The following DOCK11 variants were observed in gnomAD, a reference collection of about 807,000 sequenced individuals.
The protein encoded by DOCK11 is dedicator of cytokinesis protein 11.
In DOCK11, 70 loss-of-function variants were observed where a neutral mutation model predicts 169.1. The observed-to-expected ratio is 0.41, with a 90% confidence interval of 0.34 to 0.51. The LOEUF (loss-of-function observed/expected upper bound fraction) is 0.51, where lower values mean the gene tolerates loss of function less well. Ranked by LOEUF, DOCK11 falls within the 20% of genes least tolerant of loss-of-function variation. DOCK11 has a pLI of 0.10. For missense variants in DOCK11, 1,166 were observed against 1,538.8 expected (o/e 0.76, Z 4.05); for synonymous variants, 529 against 541.3 (o/e 0.98, Z 0.32).
rs2013356640 is a variant in DOCK11, at chrX:118,573,793, T to C, written c.1177-13T>C. On this transcript the variant is annotated splice_polypyrimidine_tract_variant and intron_variant, in intron 11 of 52. Transcript: ENST00000276202. ...AAGTCTCAGTTTTAAAATGTAACTG[T>C]TTTCATTCCCAGGTTGAGCCCTTTT... 2 of 1,188,649 alleles carry C rather than the reference T, an allele frequency of 1.7e-6. No homozygotes were observed. The highest frequency in any genetic ancestry group is 1.8e-5 in the African/African-American group (1 of 56,587).
At chrX:118,528,869 G>C (rs1458696648) in intron 1 of DOCK11, among the ~76,000 whole-genome samples, 2 of 110,466 alleles carry the variant, frequency 1.8e-5, no homozygotes, top group Non-Finnish European at 3.8e-5. Flanking sequence ...GGTTGTTTAG[G>C]AGGAAGTTTG....
chrX:118,539,450 G>T (rs1603042599), intron 1 of DOCK11, among the ~76,000 whole-genome samples: 1 of 111,140 alleles, frequency 9.0e-6, no homozygotes, highest in East Asian at 2.8e-4. Context: ...GGGGGAGATG[G>T]TAGTCAATGG....
chrX:118,571,770 G>A (rs1334069297), intron 10 of DOCK11, among the ~76,000 whole-genome samples: 1 of 112,051 alleles, frequency 8.9e-6, no homozygotes, highest in Non-Finnish European at 1.9e-5. Context: ...ATGAGAGAAA[G>A]GGAGTATAGA....
rs35095116 is a variant in DOCK11, at chrX:118,581,805, T to TAAAAAAAAAAAAAAAAAAAA, written c.1595+1642_1595+1661dup. ...GGCGACAGAGCGAGACTCCGTCTCC[T>TAAAAAAAAAAAAAAAAAAAA]AAAAAAAAAAAAAAAAAAAAAAAAA... On this transcript the variant is annotated intron_variant, in intron 14 of 52. Transcript: ENST00000276202. 1.6e-4 allele frequency among the ~76,000 whole-genome samples: 2 copies of TAAAAAAAAAAAAAAAAAAAA among 12,744 alleles called. 1 individual carries two copies. The highest frequency in any genetic ancestry group is 6.6e-4 in the African/African-American group (2 of 3,012). 11.1% of individuals were successfully genotyped at this position (12,744 alleles called of 115,157 possible). A position where few individuals can be genotyped will look rare whatever the true frequency, so the allele number is the denominator to read the frequency against.
rs760435809 is a variant in DOCK11 at position 118,546,486 on chromosome X, A to G, written c.558+370A>G. Among the ~76,000 whole-genome samples, 7 of 112,009 alleles carry G rather than the reference A, an allele frequency of 6.2e-5. No homozygotes were observed. The South Asian group carries it at 2.6e-3, about 41-fold the overall frequency. On this transcript the variant is annotated intron_variant, in intron 6 of 52. Transcript: ENST00000276202. The stretch of plus-strand genomic sequence containing the variant: ...CAAATATTAATTAGGTACTTATTAC[A>G]TATTAGTCACTGTGGGGAAATATGT...
At chrX:118,541,677 GA>G (rs1385158935) in intron 1 of DOCK11, among the ~76,000 whole-genome samples, 1 of 112,223 alleles carries the variant, frequency 8.9e-6, no homozygotes, top group Non-Finnish European at 1.9e-5. Context: ...AGTGTTACAT[GA>G]AAAAATGTAC....
intron 39 of DOCK11, 57 bp from the exon 40 acceptor site, chrX:118,643,400 G>A: frequency 1.8e-6 from 2 of 1,111,344 alleles, no homozygotes; most frequent in Non-Finnish European, 2.4e-6. Flanking sequence ...AGGTATTGGT[G>A]AAATCAGTTC....
intron 38 of DOCK11, among the ~76,000 whole-genome samples, chrX:118,640,226 A>G (rs993078528): frequency 8.9e-6 from 1 of 112,454 alleles, no homozygotes; most frequent in Non-Finnish European, 1.9e-5. Flanking sequence ...AAGCTATCCT[A>G]TGAAAAGCAA....
At chrX:118,537,720 G>C (rs1031176906) in intron 1 of DOCK11, among the ~76,000 whole-genome samples, 1 of 111,699 alleles carries the variant, frequency 9.0e-6, no homozygotes. Flanking sequence ...CGAATGTACA[G>C]GAACCACCAC....
intron 23 of DOCK11, among the ~76,000 whole-genome samples, chrX:118,602,830 C>T (rs1482243279): frequency 1.8e-5 from 2 of 112,099 alleles, no homozygotes; most frequent in Non-Finnish European, 3.8e-5. Flanking sequence ...TGTGAGCTGC[C>T]GCGCCCGGCC....
chrX:118,667,235 TTTA>T (rs1336170968), intron 45 of DOCK11, among the ~76,000 whole-genome samples: 4 of 111,298 alleles, frequency 3.6e-5, no homozygotes, highest in African/African-American at 1.3e-4. Flanking sequence ...TGAAATCCAG[TTTA>T]TTATTTTATA....
intron 45 of DOCK11, among the ~76,000 whole-genome samples, chrX:118,670,138 G>T: frequency 8.9e-6 from 1 of 111,888 alleles, no homozygotes; most frequent in Middle Eastern, 4.7e-3. Context: ...TCAAAACTGT[G>T]CTTAGTTTAC....
chrX:118,573,647 C>T (rs763683575), intron 11 of DOCK11, among the ~76,000 whole-genome samples, 159 bp from the exon 12 acceptor site: 1 of 111,788 alleles, frequency 8.9e-6, no homozygotes, highest in East Asian at 2.8e-4. Context: ...TTCTTCTGTG[C>T]AGATAAGCCA....
At chrX:118,599,098 A>G in intron 22 of DOCK11, 41 bp from the exon 23 acceptor site, 1 of 1,080,193 alleles carries the variant, frequency 9.3e-7, no homozygotes, top group Non-Finnish European at 1.3e-6. Context: ...TTTGAGGATA[A>G]TGAATCAAAT....
intron 1 of DOCK11, among the ~76,000 whole-genome samples, chrX:118,502,985 A>G (rs2057585598): frequency 9.1e-6 from 1 of 110,227 alleles, no homozygotes; most frequent in African/African-American, 3.3e-5. Flanking sequence ...AACCTTGGGT[A>G]GGATGGACTC....
At chrX:118,655,543 G>T (rs1437707025) in intron 44 of DOCK11, among the ~76,000 whole-genome samples, 1 of 111,477 alleles carries the variant, frequency 9.0e-6, no homozygotes, top group Admixed American at 9.6e-5. Context: ...TACTAAAAGG[G>T]AGTCATACTC....
chrX:118,586,236 A>T (rs2013809497), intron 16 of DOCK11, among the ~76,000 whole-genome samples: 1 of 111,229 alleles, frequency 9.0e-6, no homozygotes, highest in African/African-American at 3.3e-5. Flanking sequence ...GAGTTGTATT[A>T]CTCCGTTTTT....
At chrX:118,525,099 A>G (rs2011344145) in intron 1 of DOCK11, among the ~76,000 whole-genome samples, 1 of 109,482 alleles carries the variant, frequency 9.1e-6, no homozygotes, top group South Asian at 4.0e-4. Context: ...GAGCCAAAAT[A>G]GCGCCACTGC....
At position 118,528,879 on chromosome X, in the gene DOCK11, GA is replaced by G. The variant is rs1321872429; in HGVS notation, c.103-13845del. On this transcript the variant is annotated intron_variant, in intron 1 of 52. Coordinates refer to ENST00000276202, the MANE Select transcript of DOCK11 (RefSeq NM_144658.4). ...AGAGAGGTTGTTTAGGAGGAAGTTT[GA>G]CAAGGGGAAAGCTATTACCAGCACA... Among the ~76,000 whole-genome samples, 3 of 110,564 alleles carry G rather than the reference GA, an allele frequency of 2.7e-5. No homozygotes were observed. In the Admixed American group the frequency reaches 2.9e-4, roughly 11 times the overall value.
Sources: allele counts gnomAD v4.1 joint callset (sites outside exome capture counted in the v4.1 genomes callset), GRCh38; gene constraint gnomAD v4.1.1; transcripts MANE v1.5; gene names NCBI Gene and HGNC (gene_info 2026-07-23, HGNC 2026-07-21).